The following COL5A2 variants were observed in gnomAD, a reference collection of about 807,000 sequenced individuals.
The protein encoded by COL5A2 is collagen alpha-2(V) chain.
Under a neutral mutation model 208.2 loss-of-function variants are expected in COL5A2, and 23 were observed. The ratio of observed to expected loss-of-function variants is 0.11; its 90% CI spans 0.08 to 0.16. The LOEUF (loss-of-function observed/expected upper bound fraction) is 0.16. Among genes scored for constraint, COL5A2 ranks in the 10% least tolerant of loss-of-function variants. COL5A2 has a pLI of 1.00. For missense variants in COL5A2, 1,590 were observed against 1,956.4 expected, an observed-to-expected ratio of 0.81 and a Z score of 3.53; for synonymous variants, 625 against 628.5, an observed-to-expected ratio of 0.99 and a Z score of 0.08.
At chr2:189,052,028 C>T in intron 41 of COL5A2, 144 bp downstream of exon 41, 1 of 639,140 alleles carries the variant, frequency 1.6e-6, no homozygotes, top group South Asian at 2.6e-5. Flanking sequence ...TGCTGAAATA[C>T]CAGCATGCAT....
the COL5A2 span, among the ~76,000 whole-genome samples, chr2:189,413,783 ATT>A: frequency 8.1e-3 from 637 of 79,102 alleles, 2 homozygotes; most frequent in African/African-American, 0.031. Flanking sequence ...CCTTGGCGTC[ATT>A]TTTTTTTTTT....
the COL5A2 span, among the ~76,000 whole-genome samples, chr2:189,366,531 C>G: frequency 6.6e-6 from 1 of 152,206 alleles, no homozygotes; most frequent in Non-Finnish European, 1.5e-5. Flanking sequence ...GTGGAGAACA[C>G]TGGTCCAAGT....
chr2:189,050,541 T>C (rs372025306), intron 43 of COL5A2, 28 bp downstream of exon 43: 17 of 1,497,188 alleles, frequency 1.1e-5, no homozygotes, highest in Middle Eastern at 3.4e-4. Context: ...ACATATGAGA[T>C]AAAATATTGA....
At chr2:189,250,682 C>T in the COL5A2 span, among the ~76,000 whole-genome samples, 1 of 152,016 alleles carries the variant, frequency 6.6e-6, no homozygotes, top group Admixed American at 6.6e-5. Context: ...TAATTCCATC[C>T]CCTATCATAC....
chr2:189,085,776 C>T lies in COL5A2; in HGVS notation c.691-4G>A, dbSNP rs767803370. The T allele has an allele frequency of 5.6e-6, 9 of 1,610,992 alleles. No individual in the cohort carries two copies. The Admixed American group carries it at 1.0e-4, about 18-fold the overall frequency. On this transcript the variant is annotated splice_region_variant and splice_polypyrimidine_tract_variant and intron_variant, in intron 9 of 53. Transcript: ENST00000374866. ...GTCCTGTAGGTCCTGCACCACCCTACAGTTGAAAACAAAGTATATATACAA... is the reference window on the plus strand; with the variant it reads ...GTCCTGTAGGTCCTGCACCACCCTATAGTTGAAAACAAAGTATATATACAA...
the COL5A2 span, among the ~76,000 whole-genome samples, chr2:189,308,927 G>A: frequency 1.3e-5 from 2 of 152,136 alleles, no homozygotes; most frequent in African/African-American, 4.8e-5. Context: ...ACTGTGTCAC[G>A]GGCCACTGCT....
chr2:189,115,929 C>T (rs902459201), intron 1 of COL5A2, among the ~76,000 whole-genome samples: 12 of 152,152 alleles, frequency 7.9e-5, no homozygotes, highest in Admixed American at 3.9e-4. Flanking sequence ...AGGGAATGGT[C>T]ACTTGGTGGT....
At chr2:189,158,878 C>A (rs1688305527) in intron 1 of COL5A2, among the ~76,000 whole-genome samples, 1 of 152,014 alleles carries the variant, frequency 6.6e-6, no homozygotes, top group African/African-American at 2.4e-5. Flanking sequence ...CTAATTATTT[C>A]AAGTGTTTAT....
chr2:189,176,707 G>GCA (rs141481412), intron 1 of COL5A2, among the ~76,000 whole-genome samples: 10,812 of 151,012 alleles, frequency 0.072, 532 homozygotes, highest in Middle Eastern at 0.12. Context: ...CTCACCACAC[G>GCA]CACACACACA....
At chr2:189,179,781 T>C, upstream of COL5A2, 3 of 1,001,736 alleles carry the variant, frequency 3.0e-6, no homozygotes, top group Non-Finnish European at 4.4e-6. Context: ...TTTCAAGCGA[T>C]GCAGCTTTAA....
At chr2:189,034,614 A>C (rs1293225683) in intron 53 of COL5A2, among the ~76,000 whole-genome samples, 1 of 152,184 alleles carries the variant, frequency 6.6e-6, no homozygotes, top group Admixed American at 6.5e-5. Context: ...GAAATAAGGA[A>C]TTTTAAGCAT....
chr2:189,257,696 C>T, the COL5A2 span, among the ~76,000 whole-genome samples: 3 of 152,164 alleles, frequency 2.0e-5, no homozygotes, highest in African/African-American at 7.2e-5. Context: ...TACCCCCTTC[C>T]CTCAGAGTAA....
Position 189,058,834 on chromosome 2 carries a change from G to A in COL5A2, c.2130+15C>T. 1 of 1,611,680 alleles carries A rather than the reference G, an allele frequency of 6.2e-7. No homozygotes were observed. Reference sequence around the variant, plus strand: ...AGTGGGAAACAACATTAATCATGAAGATTAAAATACTTACTCTAGGTCCTA... The same window carrying A: ...AGTGGGAAACAACATTAATCATGAAAATTAAAATACTTACTCTAGGTCCTA... On this transcript the variant is annotated intron_variant, in intron 32 of 53. Coordinates refer to ENST00000374866, the MANE Select transcript of COL5A2 (RefSeq NM_000393.5).
At position 189,063,187 on chromosome 2, in the gene COL5A2, G is replaced by T; in HGVS notation, c.1854C>A (p.Gly618=). Residue 618 remains glycine (G), a synonymous_variant, in exon 27 of 54, where the codon GGC becomes GGA. Transcript: ENST00000374866. ...CTGTACTCACACTGCTACCTTTGGGGCCTGGAAGGCCCATGCTCCCGGGCT... is the reference window on the plus strand; with the variant it reads ...CTGTACTCACACTGCTACCTTTGGGTCCTGGAAGGCCCATGCTCCCGGGCT... ...RGQPGSMGLP[G]PKGSSGDPGK... is the part of the protein sequence containing the mutation. 6.2e-7 allele frequency: 1 copy of T among 1,614,096 alleles called. No individual in the cohort carries two copies. Among genetic ancestry groups the T allele is most frequent in the Non-Finnish European group, 8.5e-7 (1 of 1,179,966 alleles).
In COL5A2 at chr2:189,064,036, G is replaced by T; in HGVS notation, c.1717-3C>A. On this transcript the variant is annotated splice_polypyrimidine_tract_variant and splice_region_variant and intron_variant, in intron 25 of 53. Transcript: ENST00000374866. ...ACACCAGGATTTCCTGTCAAACCCT[G>T]AAAATAAAAAACCAACTGTCAGTTT... 6.2e-7 allele frequency: 1 copy of T among 1,612,782 alleles called. No individual in the cohort carries two copies. The highest frequency in any genetic ancestry group is 8.5e-7 in the Non-Finnish European group (1 of 1,179,360).
intron 45 of COL5A2, 80 bp from the exon 46 acceptor site, chr2:189,045,987 A>T: frequency 8.1e-7 from 1 of 1,240,094 alleles, no homozygotes; most frequent in Non-Finnish European, 1.2e-6. Flanking sequence ...TTATTCTTAT[A>T]GTATTAATAA....
intron 1 of COL5A2, among the ~76,000 whole-genome samples, chr2:189,198,286 G>T (rs193083909): frequency 6.6e-6 from 1 of 152,106 alleles, no homozygotes; most frequent in Admixed American, 6.5e-5. Flanking sequence ...TAAGTAATGC[G>T]CTGACAAGTA....
the COL5A2 span, among the ~76,000 whole-genome samples, chr2:189,419,651 C>A: frequency 6.6e-6 from 1 of 150,922 alleles, no homozygotes; most frequent in African/African-American, 2.4e-5. Context: ...TTTTAATTAA[C>A]CAAGAGTGGT....
At chr2:189,192,491 G>A (rs1439077849) in intron 1 of COL5A2, among the ~76,000 whole-genome samples, 1 of 152,094 alleles carries the variant, frequency 6.6e-6, no homozygotes, top group Non-Finnish European at 1.5e-5. Context: ...AATGGTAAAA[G>A]ACCCTTAATA....
Sources: gnomAD v4.1 joint callset for allele counts (sites outside exome capture counted in the v4.1 genomes callset) on GRCh38, gnomAD v4.1.1 for gene constraint, MANE v1.5 for transcripts, NCBI Gene and HGNC (gene_info 2026-07-23, HGNC 2026-07-21) for gene names.